DPM1: variants seen among roughly 807,000 people sequenced by gnomAD.
DPM1 encodes dolichyl-phosphate mannosyltransferase subunit 1, catalytic, also known as dolichol-phosphate mannosyltransferase subunit 1.
A neutral mutation model predicts 39.0 loss-of-function variants in DPM1; 27 were observed. The ratio of observed to expected loss-of-function variants is 0.69; its 90% CI spans 0.51 to 0.95. The LOEUF is 0.95. Among genes scored for constraint, DPM1 ranks in the 40% least tolerant of loss-of-function variants. The pLI is 0.00. For missense variants in DPM1, 307 were observed against 315.6 expected, an observed-to-expected ratio of 0.97 and a Z score of 0.21; for synonymous variants, 124 against 109.0, an observed-to-expected ratio of 1.14 and a Z score of -0.86.
At chr20:50,948,558 G>C (rs1348833293) in intron 3 of DPM1, 71 bp downstream of exon 3, 1 of 1,461,536 alleles carries the variant, frequency 6.8e-7, no homozygotes, top group Non-Finnish European at 9.6e-7. Flanking sequence ...ATTCCAAACT[G>C]GGAAAATACA....
At chr20:50,940,226 A>G (rs1253507033) in intron 7 of DPM1, among the ~76,000 whole-genome samples, 1 of 152,000 alleles carries the variant, frequency 6.6e-6, no homozygotes, top group East Asian at 1.9e-4. Flanking sequence ...AGAAATTATT[A>G]AGTAATGTTT....
chr20:50,942,683 T>C (rs1322732306), intron 5 of DPM1, among the ~76,000 whole-genome samples: 1 of 151,898 alleles, frequency 6.6e-6, no homozygotes, highest in Non-Finnish European at 1.5e-5. Context: ...ATTAAAATAA[T>C]TAATTTTCCC....
At chr20:50,949,014 C>G (rs888598906) in intron 2 of DPM1, among the ~76,000 whole-genome samples, 10 of 152,132 alleles carry the variant, frequency 6.6e-5, no homozygotes, top group African/African-American at 2.2e-4. Flanking sequence ...GCATGCACCA[C>G]CATGCCCGGC....
chr20:50,954,512 C>T (rs1986733151), intron 2 of DPM1, among the ~76,000 whole-genome samples: 1 of 151,752 alleles, frequency 6.6e-6, no homozygotes, highest in South Asian at 2.1e-4. Flanking sequence ...TAAAAGAGCT[C>T]GAGTATACAT....
At position 50,958,267 on chromosome 20, in the gene DPM1, G is replaced by A. The variant is rs886548367; in HGVS notation, c.161+96C>T. 18 of 1,522,190 alleles carry A rather than the reference G, an allele frequency of 1.2e-5. No individual in the cohort carries two copies. The East Asian group carries it at 3.8e-4, about 32-fold the overall frequency. 94.3% of individuals were successfully genotyped at this position (1,522,190 alleles called of 1,614,324 possible). A position where few individuals can be genotyped will look rare whatever the true frequency, so the allele number is the denominator to read the frequency against. ...GGGCCTTCCTGTGTGAGGCAAAGAA[G>A]GCTGGACAGGGCCGCTTCGCGCAGC... On this transcript the variant is annotated intron_variant, in intron 1 of 8. Transcript: ENST00000371588.
intron 1 of DPM1, 61 bp from the exon 2 acceptor site, chr20:50,955,346 T>A: frequency 1.7e-6 from 2 of 1,151,080 alleles, no homozygotes; most frequent in Non-Finnish European, 2.6e-6. Flanking sequence ...AAAAGTAATT[T>A]AAAAATTACT....
intron 3 of DPM1, among the ~76,000 whole-genome samples, chr20:50,947,815 G>C (rs1316690869): frequency 6.6e-6 from 1 of 152,148 alleles, no homozygotes. Context: ...TTTTAGTAGG[G>C]ATGGGGTTTT....
intron 5 of DPM1, chr20:50,944,420 G>A (rs1456477234): frequency 6.6e-6 from 1 of 152,232 alleles, no homozygotes; most frequent in Non-Finnish European, 1.5e-5. Context: ...TTTACGCAGA[G>A]ATTGAAGGAT....
chr20:50,953,336 GCTT>G (rs754782249), intron 2 of DPM1, among the ~76,000 whole-genome samples: 41 of 152,132 alleles, frequency 2.7e-4, no homozygotes, highest in South Asian at 1.7e-3. Context: ...ATCTTCTTTG[GCTT>G]CTTTTCTGAA....
intron 3 of DPM1, among the ~76,000 whole-genome samples, chr20:50,946,665 C>T (rs531321674): frequency 6.6e-6 from 1 of 152,350 alleles, no homozygotes; most frequent in African/African-American, 2.4e-5. Context: ...AGGGACTTGG[C>T]AGGCTAGGGT....
At chr20:50,948,687 TACAC>T (rs1480634864) in intron 2 of DPM1, 25 bp from the exon 3 acceptor site, 1 of 1,607,812 alleles carries the variant, frequency 6.2e-7, no homozygotes, top group Non-Finnish European at 8.5e-7. Flanking sequence ...AATAGCATTT[TACAC>T]ACAGAAACAG....
In DPM1 at chr20:50,958,470, T is replaced by C. The variant is rs768178003; in HGVS notation, c.54A>G (p.Glu18=). 2.5e-6 allele frequency: 4 copies of C among 1,613,750 alleles called. No homozygotes were observed. In the South Asian group the frequency reaches 3.3e-5, roughly 13 times the overall value. ...RSPRRSRREL[E]VRSPRQNKYS... Reference sequence around the variant, plus strand: ...ATTTGTTCTGTCGTGGACTGCGCACTTCCAGCTCCCGCCGAGACCTGCGAG... The same window carrying C: ...ATTTGTTCTGTCGTGGACTGCGCACCTCCAGCTCCCGCCGAGACCTGCGAG... Residue 18 remains glutamate (E), a synonymous_variant, in exon 1 of 9, where the codon GAA becomes GAG. Coordinates refer to ENST00000371588, the MANE Select transcript of DPM1 (RefSeq NM_003859.3).
At position 50,949,777 on chromosome 20, in the gene DPM1, T is replaced by C. The variant is rs187419789; in HGVS notation, c.262-1115A>G. On this transcript the variant is annotated intron_variant, in intron 2 of 8. Transcript: ENST00000371588. ...TAAAGCAGATGATTTTTTTTTTTTTTCACTATATGCAATCTGCTGGAGGTT... is the reference window on the plus strand; with the variant it reads ...TAAAGCAGATGATTTTTTTTTTTTTCCACTATATGCAATCTGCTGGAGGTT... 1.6e-3 allele frequency among the ~76,000 whole-genome samples: 239 copies of C among 151,746 alleles called. 2 individuals are homozygous for C. Among genetic ancestry groups the C allele is most frequent in the African/African-American group, 5.3e-3 (220 of 41,176 alleles).
intron 5 of DPM1, 39 bp from the exon 6 acceptor site, chr20:50,942,165 G>T: frequency 6.4e-7 from 1 of 1,556,124 alleles, no homozygotes. Flanking sequence ...AAAAGCCACT[G>T]AGCTTTCAAC....
chr20:50,956,748 G>A (rs1421508568), intron 1 of DPM1, among the ~76,000 whole-genome samples: 1 of 152,176 alleles, frequency 6.6e-6, no homozygotes, highest in Non-Finnish European at 1.5e-5. Flanking sequence ...GCCAAAATAT[G>A]TAAGGTGATT....
chr20:50,956,430 C>T (rs915614374), intron 1 of DPM1, among the ~76,000 whole-genome samples: 12 of 151,504 alleles, frequency 7.9e-5, no homozygotes, highest in Admixed American at 5.3e-4. Context: ...AGTGAAACCC[C>T]GTCTCTACTA....
chr20:50,940,403 C>T (rs769469008), intron 7 of DPM1, among the ~76,000 whole-genome samples: 2 of 152,034 alleles, frequency 1.3e-5, no homozygotes, highest in Non-Finnish European at 2.9e-5. Context: ...GAAACAGACA[C>T]GCAAAACTCA....
chr20:50,949,503 A>T (rs990081147), intron 2 of DPM1, among the ~76,000 whole-genome samples: 1 of 152,136 alleles, frequency 6.6e-6, no homozygotes, highest in Non-Finnish European at 1.5e-5. Context: ...CTATTGGTCA[A>T]TCACTTAGTC....
At chr20:50,935,347 C>G in intron 8 of DPM1, 111 bp from the exon 9 acceptor site, 1 of 719,398 alleles carries the variant, frequency 1.4e-6, no homozygotes, top group Non-Finnish European at 2.5e-6. Context: ...CAACAGAGGT[C>G]CTTAAAGTAA....
Sources: gnomAD v4.1 joint callset for allele counts (sites outside exome capture counted in the v4.1 genomes callset) on GRCh38, gnomAD v4.1.1 for gene constraint, MANE v1.5 for transcripts, NCBI Gene and HGNC (gene_info 2026-07-23, HGNC 2026-07-21) for gene names.